Variants in EIF2AK4 observed in about 807,000 individuals in gnomAD.
The protein encoded by EIF2AK4 is eIF-2-alpha kinase GCN2.
A neutral mutation model predicts 211.1 loss-of-function variants in EIF2AK4; 139 were observed. The observed-to-expected ratio is 0.66, with a 90% CI of 0.57 to 0.76. The LOEUF (loss-of-function observed/expected upper bound fraction) is 0.76. EIF2AK4 is among the 30% of genes least tolerant of loss of function. The pLI is 0.00. For synonymous variants in EIF2AK4, 710 were observed against 751.3 expected, an observed-to-expected ratio of 0.94 and a Z score of 0.90; for missense variants, 1,664 against 2,043.8, an observed-to-expected ratio of 0.81 and a Z score of 3.58.
chr15:39,964,759 A>C (rs1204121978), intron 7 of EIF2AK4, among the ~76,000 whole-genome samples: 1 of 152,224 alleles, frequency 6.6e-6, no homozygotes, highest in Non-Finnish European at 1.5e-5. Flanking sequence ...ACAGAAATTT[A>C]GCTCTCCCTG....
intron 8 of EIF2AK4, among the ~76,000 whole-genome samples, chr15:39,966,478 G>C (rs1204461735): frequency 1.4e-5 from 2 of 145,340 alleles, no homozygotes; most frequent in African/African-American, 5.2e-5. Flanking sequence ...TGCAACCTGG[G>C]TGATAGAGCA....
intron 1 of EIF2AK4, among the ~76,000 whole-genome samples, chr15:39,936,791 A>G (rs951273788): frequency 2.6e-5 from 4 of 152,216 alleles, no homozygotes; most frequent in Non-Finnish European, 5.9e-5. Context: ...CATTCCACAC[A>G]TTACCTAATA....
chr15:39,987,929 T>G, intron 14 of EIF2AK4, 54 bp from the exon 15 acceptor site: 1 of 1,595,208 alleles, frequency 6.3e-7, no homozygotes, highest in South Asian at 1.1e-5. Context: ...GCAGTTATAC[T>G]CCTTCACTTA....
chr15:40,030,586 C>T (rs2035528468), intron 35 of EIF2AK4, 130 bp downstream of exon 35: 1 of 954,912 alleles, frequency 1.0e-6, no homozygotes, highest in Admixed American at 2.7e-5. Flanking sequence ...AATTTTTCTT[C>T]CAACTTGCCT....
At chr15:39,988,217 G>A in intron 15 of EIF2AK4, 112 bp downstream of exon 15, 2 of 1,142,448 alleles carry the variant, frequency 1.8e-6, no homozygotes, top group Non-Finnish European at 2.5e-6. Context: ...GAAAGCTATG[G>A]GTATATTGAC....
At chr15:39,956,115 C>T (rs964480998) in intron 6 of EIF2AK4, among the ~76,000 whole-genome samples, 1 of 151,596 alleles carries the variant, frequency 6.6e-6, no homozygotes, top group Admixed American at 6.6e-5. Context: ...AAGCGATTCT[C>T]CTGCCTCAGC....
chr15:39,972,191 T>C (rs1314767761), intron 9 of EIF2AK4, among the ~76,000 whole-genome samples: 2 of 151,782 alleles, frequency 1.3e-5, no homozygotes, highest in African/African-American at 4.8e-5. Flanking sequence ...AAACCCTATC[T>C]CTACAAAAAA....
chr15:39,970,220 A>C (rs1595553525), intron 9 of EIF2AK4, among the ~76,000 whole-genome samples: 1 of 152,148 alleles, frequency 6.6e-6, no homozygotes, highest in Non-Finnish European at 1.5e-5. Context: ...ATATACGGCT[A>C]CCCTGTTGCC....
At chr15:39,970,652 T>G (rs566814377) in intron 9 of EIF2AK4, among the ~76,000 whole-genome samples, 2 of 152,240 alleles carry the variant, frequency 1.3e-5, no homozygotes, top group South Asian at 4.1e-4. Flanking sequence ...AACAATACTA[T>G]TTTGTTTGGA....
intron 12 of EIF2AK4, 136 bp from the exon 13 acceptor site, chr15:39,977,942 A>C: frequency 9.6e-6 from 5 of 523,452 alleles, no homozygotes; most frequent in East Asian, 2.8e-5. Context: ...AGCACAGTGT[A>C]GAGTATACAT....
intron 3 of EIF2AK4, among the ~76,000 whole-genome samples, chr15:39,945,113 GT>G (rs2034209058): frequency 6.6e-6 from 1 of 151,804 alleles, no homozygotes; most frequent in African/African-American, 2.4e-5. Flanking sequence ...GAAACCTCTG[GT>G]TTCTTGGATT....
chr15:40,015,104 A>G (rs1028825291), intron 27 of EIF2AK4, among the ~76,000 whole-genome samples: 20 of 152,184 alleles, frequency 1.3e-4, no homozygotes, highest in African/African-American at 3.6e-4. Context: ...AAGCCATTCA[A>G]CAAGTCTCTA....
chr15:40,033,037 CA>C (rs767357385), intron 37 of EIF2AK4, among the ~76,000 whole-genome samples: 63 of 152,122 alleles, frequency 4.1e-4, no homozygotes, highest in Non-Finnish European at 6.8e-4. Flanking sequence ...AAACAAAAAA[CA>C]AAAACAAAAA....
chr15:40,032,113 G>T, intron 35 of EIF2AK4, 56 bp from the exon 36 acceptor site: 1 of 1,373,704 alleles, frequency 7.3e-7, no homozygotes, highest in South Asian at 1.2e-5. Flanking sequence ...GAAATAAGAT[G>T]GCAAGAAAGA....
chr15:39,983,087 T>A (rs1305800791), intron 13 of EIF2AK4, among the ~76,000 whole-genome samples: 1 of 152,212 alleles, frequency 6.6e-6, no homozygotes, highest in Non-Finnish European at 1.5e-5. Flanking sequence ...GGTCAAATGG[T>A]ATTTCTAGTT....
At chr15:39,992,694 CTTTT>C in intron 17 of EIF2AK4, 71 bp from the exon 18 acceptor site, 13 of 1,351,500 alleles carry the variant, frequency 9.6e-6, no homozygotes, top group African/African-American at 1.4e-5. Flanking sequence ...TTTAAGAAAC[CTTTT>C]TTTGTTTTTA....
At position 39,988,070 on chromosome 15, in the gene EIF2AK4, G is replaced by C. The variant is rs375456378; in HGVS notation, c.2491G>C (p.Glu831Gln). 1.2e-6 allele frequency: 2 copies of C among 1,614,134 alleles called. No individual in the cohort carries two copies. The highest frequency in any genetic ancestry group is 1.7e-6 in the Non-Finnish European group (2 of 1,180,014). Residue 831 changes from glutamate to glutamine, a missense_variant, in exon 15 of 39, where the codon GAG becomes CAG. Glu to Gln is a conservative substitution (Grantham distance 29, BLOSUM62 2). This residue lies in a region of EIF2AK4 where 622 missense variants were observed against 796.8 expected (regional missense o/e 0.78). Coordinates refer to ENST00000263791, the MANE Select transcript of EIF2AK4 (RefSeq NM_001013703.4). ...DTVRLWRLFR[E>Q]ILDGLAYIHE... Reference sequence around the variant, plus strand: ...CGTCAGACTCTGGAGGCTTTTTCGAGAGATTCTGGATGGATTAGCTTATAT... The same window carrying C: ...CGTCAGACTCTGGAGGCTTTTTCGACAGATTCTGGATGGATTAGCTTATAT...
At chr15:39,946,795 C>G in intron 3 of EIF2AK4, 1 of 612,194 alleles carries the variant, frequency 1.6e-6, no homozygotes, top group Non-Finnish European at 2.9e-6. Flanking sequence ...CAGCAGCCAT[C>G]ATCAAGACAA....
At chr15:39,971,621 G>A (rs1243143230) in intron 9 of EIF2AK4, among the ~76,000 whole-genome samples, 1 of 151,942 alleles carries the variant, frequency 6.6e-6, no homozygotes, top group African/African-American at 2.4e-5. Flanking sequence ...GGAGGCTGAG[G>A]CAAGAGGATG....
Sources: allele counts gnomAD v4.1 joint callset (sites outside exome capture counted in the v4.1 genomes callset), GRCh38; gene constraint gnomAD v4.1.1; regional missense constraint gnomAD v4.1.1; transcripts MANE v1.5; gene names NCBI Gene and HGNC (gene_info 2026-07-23, HGNC 2026-07-21).